The following DQX1 variants were observed in gnomAD, a reference collection of about 807,000 sequenced individuals.
DQX1 encodes ATP-dependent RNA helicase homolog DQX1.
DQX1 carries 66 observed loss-of-function variants against 81.3 expected under a neutral mutation model. The ratio of observed to expected loss-of-function variants is 0.81; its 90% CI spans 0.67 to 1.00. The LOEUF (loss-of-function observed/expected upper bound fraction) is 1.00. Among genes scored for constraint, DQX1 ranks in the 50% least tolerant of loss-of-function variants. The pLI, the probability that DQX1 is intolerant of heterozygous loss-of-function variation, is 0.00. For missense variants in DQX1, 798 were observed against 867.9 expected (o/e 0.92, Z 1.01); for synonymous variants, 290 against 350.0 (o/e 0.83, Z 1.91).
intron 8 of DQX1, among the ~76,000 whole-genome samples, chr2:74,520,238 C>A (rs1324322010): frequency 6.6e-6 from 1 of 152,236 alleles, no homozygotes; most frequent in Non-Finnish European, 1.5e-5. Context: ...AGCTTCAAGT[C>A]TGGTGGGAGA....
At chr2:74,518,985 A>G in intron 11 of DQX1, 55 bp downstream of exon 11, 1 of 1,463,168 alleles carries the variant, frequency 6.8e-7, no homozygotes, top group South Asian at 1.5e-5. Context: ...CCCAGCCATA[A>G]TTTTGGCCCC....
intron 8 of DQX1, among the ~76,000 whole-genome samples, chr2:74,520,737 G>T (rs934633063): frequency 2.0e-5 from 3 of 152,096 alleles, no homozygotes; most frequent in Admixed American, 2.0e-4. Context: ...GAAGTGGCGT[G>T]ATCATGGCCC....
In DQX1 at chr2:74,524,325, G is replaced by A. The variant is rs772959503; in HGVS notation, c.432-18C>T. 33 of 1,600,230 alleles carry A rather than the reference G, an allele frequency of 2.1e-5. No individual in the cohort carries two copies. Among genetic ancestry groups the A allele is most frequent in the Non-Finnish European group, 2.5e-5 (29 of 1,174,194 alleles). ...AGCAGAACCTGTTGACATTGGTAGT[G>A]GGCAGAGGAATCAGTGTGGACACTG... On this transcript the variant is annotated intron_variant, in intron 3 of 11. Coordinates refer to ENST00000404568, the MANE Select transcript of DQX1 (RefSeq NM_133637.3).
In DQX1 at chr2:74,518,218, C is replaced by A. The variant is rs1207209057; in HGVS notation, c.*228G>T. 2.1e-6 allele frequency: 1 copy of A among 485,656 alleles called. No individual in the cohort carries two copies. The highest frequency in any genetic ancestry group is 3.2e-5 in the East Asian group (1 of 31,042). The allele number at this position is 485,656 out of a possible 1,614,324, so 30.1% of individuals were successfully genotyped here. The stretch of plus-strand genomic sequence containing the variant: ...TAAGAGAATGAGGAGCATGTCAGTC[C>A]CTCTCCAATCAATAAGAGAAGGCTA... On this transcript the variant is annotated 3_prime_UTR_variant, in exon 12 of 12. Coordinates refer to ENST00000404568, the MANE Select transcript of DQX1 (RefSeq NM_133637.3).
At position 74,518,714 on chromosome 2, in the gene DQX1, A is replaced by C. The variant is rs114928052; in HGVS notation, c.1998-112T>G. 3.8e-6 allele frequency: 4 copies of C among 1,047,182 alleles called. No individual in the cohort carries two copies. In the African/African-American group the frequency reaches 4.8e-5, roughly 12 times the overall value. 64.9% of individuals were successfully genotyped at this position (1,047,182 alleles called of 1,614,324 possible). On this transcript the variant is annotated intron_variant, in intron 11 of 11. Transcript: ENST00000404568. ...TGGGCTGGAGTTCAGTGGCATGATC[A>C]TAACTCACTGTAGCCTTAGACTCCC...
At position 74,525,749 on chromosome 2, in the gene DQX1, C is replaced by T. The variant is rs1409091625; in HGVS notation, c.-19-1G>A. The stretch of plus-strand genomic sequence containing the variant: ...GGTCATGGTGGCTCTCTGGCAGGAC[C>T]TGCAGAAGGCAGAGCAGCCAGTAAG... On this transcript the variant is annotated splice_acceptor_variant, in intron 1 of 11. Transcript: ENST00000404568. LOFTEE classifies it low-confidence loss of function (5UTR_SPLICE). This position sits in a 1 kb window ranked among gnomAD's most constrained non-coding sequence, Gnocchi z 4.1. 2.6e-6 allele frequency: 4 copies of T among 1,545,164 alleles called. No homozygotes were observed. The highest frequency in any genetic ancestry group is 2.0e-5 in the Admixed American group (1 of 50,794).
At position 74,523,404 on chromosome 2, in the gene DQX1, G is replaced by T. The variant is rs1572985549; in HGVS notation, c.950C>A (p.Ala317Asp). The stretch of plus-strand genomic sequence containing the variant: ...CCAGTGAGTGACCACAACCTTTCGG[G>T]CATCCATGTCCTCATACACAGCCTG... The part of the protein sequence containing the change: ...AVQAVYEDMD[A>D]RKVVVTHWLA... The change falls in exon 5 of 12, where the codon GCC becomes GAC. Residue 317 changes from alanine to aspartate, a missense_variant. Coordinates refer to ENST00000404568, the MANE Select transcript of DQX1 (RefSeq NM_133637.3). 5 of 1,614,180 alleles carry T rather than the reference G, an allele frequency of 3.1e-6. No individual in the cohort carries two copies. The highest frequency in any genetic ancestry group is 4.2e-6 in the Non-Finnish European group (5 of 1,180,034).
At position 74,523,018 on chromosome 2, in the gene DQX1, A is replaced by AG. The variant is rs781159473; in HGVS notation, c.1145-5dup. The AG allele has an allele frequency of 1.9e-6, 3 of 1,614,058 alleles. No individual in the cohort carries two copies. The highest frequency in any genetic ancestry group is 2.2e-5 in the East Asian group (1 of 44,878). The stretch of plus-strand genomic sequence containing the variant: ...GGATACAGGCAGAGGCAGGATCCTG[A>AG]GGGGAAAAAGACCTGGGAAAGAAGA... On this transcript the variant is annotated splice_polypyrimidine_tract_variant and splice_region_variant and intron_variant, in intron 6 of 11. Coordinates refer to ENST00000404568, the MANE Select transcript of DQX1 (RefSeq NM_133637.3).
chr2:74,518,780 A>G (rs567374085), intron 11 of DQX1, among the ~76,000 whole-genome samples, 178 bp from the exon 12 acceptor site: 7 of 152,110 alleles, frequency 4.6e-5, no homozygotes, highest in African/African-American at 1.4e-4. Flanking sequence ...TCCCACCTCA[A>G]TCTCCCAAGT....
chr2:74,519,051 A>G lies in DQX1; in HGVS notation c.1986T>C (p.Ile662=). 6.3e-7 allele frequency: 1 copy of G among 1,583,510 alleles called. No individual in the cohort carries two copies. The highest frequency in any genetic ancestry group is 8.6e-7 in the Non-Finnish European group (1 of 1,163,562). ...KDNCLSIVSE[I]QPQMLVELAP... ...GTCAGGGAACTCACATCTGTGGTTGAATCTCAGAAACAATGGAAAGGCAGT... is the reference window on the plus strand; with the variant it reads ...GTCAGGGAACTCACATCTGTGGTTGGATCTCAGAAACAATGGAAAGGCAGT... The change falls in exon 11 of 12, where the codon ATT becomes ATC. Residue 662 remains isoleucine (I), a synonymous_variant. Transcript: ENST00000404568.
In DQX1 at chr2:74,525,718, C is replaced by G; in HGVS notation, c.12G>C (p.Gln4His). The G allele has an allele frequency of 6.4e-7, 1 of 1,551,526 alleles. No homozygotes were observed. Among genetic ancestry groups the G allele is most frequent in the Non-Finnish European group, 8.7e-7 (1 of 1,146,878 alleles). Residue 4 changes from glutamine to histidine, a missense_variant, in exon 2 of 12, where the codon CAG becomes CAC. By Grantham distance (24) the Gln-to-His change is conservative. Transcript: ENST00000404568. This position sits in a 1 kb window ranked among gnomAD's most constrained non-coding sequence, Gnocchi z 4.1. MTS[Q>H]PLRLAEEYGP... ...CATACTCTTCTGCTAGCCTGAGAGG[C>G]TGAGAGGTCATGGTGGCTCTCTGGC... is the stretch of plus-strand genomic sequence containing the variant.
chr2:74,522,669 G>A lies in DQX1; in HGVS notation c.1406C>T (p.Pro469Leu). The change falls in exon 8 of 12, where the codon CCT (proline) becomes CTT (leucine). Residue 469 changes from proline to leucine, a missense_variant. Pro to Leu is a moderately conservative substitution (Grantham distance 98). Coordinates refer to ENST00000404568, the MANE Select transcript of DQX1 (RefSeq NM_133637.3). ...GGCTTTGGCCAGCTCAGGGGCCAGA[G>A]GGAATTCTGATAGTATGACACCCAG... is the stretch of plus-strand genomic sequence containing the variant. ...SDLGVILSEF[P>L]LAPELAKALL... 1 of 1,614,242 alleles carries A rather than the reference G, an allele frequency of 6.2e-7. No individual in the cohort carries two copies. The highest frequency in any genetic ancestry group is 8.5e-7 in the Non-Finnish European group (1 of 1,180,046).
intron 8 of DQX1, among the ~76,000 whole-genome samples, chr2:74,521,746 TC>T (rs1213978855): frequency 5.0e-5 from 6 of 119,246 alleles, no homozygotes; most frequent in Admixed American, 4.9e-4. Context: ...TCTCTCCCCC[TC>T]TCCCCCTCTT....
Position 74,522,897 on chromosome 2 carries a change from T to G in DQX1, c.1262A>C (p.Gln421Pro), listed in dbSNP as rs778264602. Residue 421 changes from glutamine (Q) to proline (P), a missense_variant, in exon 7 of 12, where the codon CAG becomes CCG. Coordinates refer to ENST00000404568, the MANE Select transcript of DQX1 (RefSeq NM_133637.3). ...GTGACACTCCCCTGGCTCTGCAATC[T>G]GTCTCCTTTTTAGTAGTAACACCAG... is the stretch of plus-strand genomic sequence containing the variant. The part of the protein sequence containing the change: ...SSLVLLLKRR[Q>P]IAEPGECHFL... The G allele has an allele frequency of 6.2e-7, 1 of 1,614,118 alleles. No homozygotes were observed. Among genetic ancestry groups the G allele is most frequent in the South Asian group, 1.1e-5 (1 of 91,082 alleles).
Position 74,519,594 on chromosome 2 carries a change from C to A in DQX1, c.1768G>T (p.Asp590Tyr), listed in dbSNP as rs1488524760. The A allele has an allele frequency of 3.7e-6, 6 of 1,614,218 alleles. No individual in the cohort carries two copies. The highest frequency in any genetic ancestry group is 4.2e-6 in the Non-Finnish European group (5 of 1,180,040). Residue 590 changes from aspartate (D) to tyrosine (Y), a missense_variant, in exon 10 of 12, where the codon GAC (aspartate) becomes TAC (tyrosine). Asp to Tyr is a radical substitution (Grantham distance 160). Coordinates refer to ENST00000404568, the MANE Select transcript of DQX1 (RefSeq NM_133637.3). ...CCTGACACCAGTGCTTTCTGAAGGTCTCTGCGATTCTGCTCAGAGCCAAAG... is the reference window on the plus strand; with the variant it reads ...CCTGACACCAGTGCTTTCTGAAGGTATCTGCGATTCTGCTCAGAGCCAAAG... The part of the protein sequence containing the change: ...PAFGSEQNRR[D>Y]LQKALVSGYF...
At chr2:74,520,476 TTAA>T (rs1489608596) in intron 8 of DQX1, among the ~76,000 whole-genome samples, 11 of 152,128 alleles carry the variant, frequency 7.2e-5, no homozygotes. Flanking sequence ...GGCACGTAAG[TTAA>T]TAATATAGCA....
chr2:74,523,045 C>A, intron 6 of DQX1, 31 bp from the exon 7 acceptor site: 1 of 1,613,874 alleles, frequency 6.2e-7, no homozygotes, highest in Non-Finnish European at 8.5e-7. Flanking sequence ...GAAAGAAGAC[C>A]ACTGTAGATT....
At chr2:74,519,285 T>C (rs1295054432) in intron 10 of DQX1, 55 bp from the exon 11 acceptor site, 1 of 1,503,428 alleles carries the variant, frequency 6.7e-7, no homozygotes, top group Non-Finnish European at 8.9e-7. Context: ...AGGCAGGCAG[T>C]AGAAAAAAAT....
intron 11 of DQX1, 93 bp downstream of exon 11, chr2:74,518,947 A>G (rs893363000): frequency 7.8e-7 from 1 of 1,284,168 alleles, no homozygotes; most frequent in Non-Finnish European, 1.1e-6. Context: ...ACTAACCACT[A>G]AGATCCCTTC....
Sources: allele counts gnomAD v4.1 joint callset (sites outside exome capture counted in the v4.1 genomes callset), GRCh38; gene constraint gnomAD v4.1.1; non-coding constraint Gnocchi (gnomAD v3.1); transcripts MANE v1.5; gene names NCBI Gene and HGNC (gene_info 2026-07-23, HGNC 2026-07-21).